Variants in CTNND2 observed in about 807,000 individuals in gnomAD.
The protein encoded by CTNND2 is catenin delta 2, also known as catenin delta-2.
In CTNND2, 22 loss-of-function variants were observed where a neutral mutation model predicts 144.4. That is an observed-to-expected ratio of 0.15 (90% confidence interval 0.11 to 0.22). The LOEUF (loss-of-function observed/expected upper bound fraction) is 0.22. Among genes scored for constraint, CTNND2 ranks in the 10% least tolerant of loss-of-function variants. The pLI, the probability that CTNND2 is intolerant of heterozygous loss-of-function variation, is 1.00. For missense variants in CTNND2, 1,353 were observed against 1,618.8 expected (o/e 0.84, Z 2.82); for synonymous variants, 751 against 695.6 (o/e 1.08, Z -1.25).
intron 3 of CTNND2, among the ~76,000 whole-genome samples, chr5:11,551,007 T>C (rs577206652): frequency 6.6e-6 from 1 of 152,226 alleles, no homozygotes; most frequent in African/African-American, 2.4e-5. Context: ...TTGGGTGAAA[T>C]TTTTCTGACC....
rs1760222584 is a variant in CTNND2, at chr5:11,397,170, A to T, written c.473T>A (p.Leu158His). Residue 158 changes from leucine to histidine, a missense_variant, in exon 6 of 22, where the codon CTC becomes CAC. Coordinates refer to ENST00000304623, the MANE Select transcript of CTNND2 (RefSeq NM_001332.4). ...PSLLSQSALQ[L>H]NSKPEGSFQY... ...GAAAGACCCTTCAGGTTTGGAATTGAGCTGAAGTGCACTCTGGGAGAGCAG... is the reference window on the plus strand; with the variant it reads ...GAAAGACCCTTCAGGTTTGGAATTGTGCTGAAGTGCACTCTGGGAGAGCAG... 1 of 1,614,184 alleles carries T rather than the reference A, an allele frequency of 6.2e-7. No homozygotes were observed. Among genetic ancestry groups the T allele is most frequent in the South Asian group, 1.1e-5 (1 of 91,090 alleles).
intron 1 of CTNND2, among the ~76,000 whole-genome samples, chr5:11,884,596 C>T (rs1292798215): frequency 1.3e-5 from 2 of 152,104 alleles, no homozygotes; most frequent in Non-Finnish European, 2.9e-5. Flanking sequence ...AAGATCATGT[C>T]ATCTGCCAAC....
At chr5:11,270,356 T>C (rs535235202) in intron 9 of CTNND2, among the ~76,000 whole-genome samples, 2 of 152,158 alleles carry the variant, frequency 1.3e-5, no homozygotes, top group South Asian at 4.1e-4. Flanking sequence ...GTAATTAATA[T>C]ACATTGGCTA....
At chr5:11,634,614 T>C (rs952915323) in intron 2 of CTNND2, among the ~76,000 whole-genome samples, 1 of 152,174 alleles carries the variant, frequency 6.6e-6, no homozygotes, top group Non-Finnish European at 1.5e-5. Context: ...TCAGGAAAGT[T>C]GAATATTTTA....
At chr5:11,212,878 C>T (rs1738785269) in intron 10 of CTNND2, among the ~76,000 whole-genome samples, 1 of 152,130 alleles carries the variant, frequency 6.6e-6, no homozygotes, top group Non-Finnish European at 1.5e-5. Flanking sequence ...GCACTGAAAA[C>T]CACATAAATG....
At chr5:11,716,977 C>G (rs1786387773) in intron 2 of CTNND2, among the ~76,000 whole-genome samples, 1 of 152,030 alleles carries the variant, frequency 6.6e-6, no homozygotes, top group African/African-American at 2.4e-5. Flanking sequence ...AAGGGATTCT[C>G]CTGCCTCAGC....
intron 11 of CTNND2, among the ~76,000 whole-genome samples, chr5:11,174,230 T>C (rs985153566): frequency 3.3e-5 from 5 of 152,068 alleles, no homozygotes; most frequent in Admixed American, 6.6e-5. Flanking sequence ...GCTGGGTGCA[T>C]GAGTTGAGTG....
chr5:11,288,067 T>C (rs1747932959), intron 9 of CTNND2, among the ~76,000 whole-genome samples: 1 of 152,216 alleles, frequency 6.6e-6, no homozygotes, highest in Admixed American at 6.5e-5. Context: ...GTATGACACT[T>C]ATATAATTCA....
intron 2 of CTNND2, among the ~76,000 whole-genome samples, chr5:11,695,525 G>T (rs1785102408): frequency 6.6e-6 from 1 of 152,118 alleles, no homozygotes; most frequent in Admixed American, 6.5e-5. Context: ...TAAATAACAA[G>T]GTATTCAGAG....
chr5:11,266,673 C>T (rs556959549), intron 9 of CTNND2, among the ~76,000 whole-genome samples: 1 of 152,256 alleles, frequency 6.6e-6, no homozygotes, highest in Non-Finnish European at 1.5e-5. Flanking sequence ...AGTTAATGCA[C>T]ATTTATCTAC....
chr5:11,218,215 G>A (rs1739410294), intron 10 of CTNND2, among the ~76,000 whole-genome samples: 1 of 152,068 alleles, frequency 6.6e-6, no homozygotes, highest in South Asian at 2.1e-4. Flanking sequence ...TTTCAGGGTA[G>A]CATCAGGGAA....
intron 3 of CTNND2, among the ~76,000 whole-genome samples, chr5:11,487,030 T>G (rs1020091644): frequency 1.3e-5 from 2 of 152,192 alleles, no homozygotes; most frequent in African/African-American, 4.8e-5. Flanking sequence ...ATGTTTTACC[T>G]GGTTCACTGA....
chr5:11,884,856 G>GT (rs1047444234), intron 1 of CTNND2, among the ~76,000 whole-genome samples: 4 of 152,098 alleles, frequency 2.6e-5, no homozygotes, highest in Non-Finnish European at 4.4e-5. Context: ...TTTGTTGAAA[G>GT]TTTTTTATCA....
intron 2 of CTNND2, among the ~76,000 whole-genome samples, chr5:11,669,847 G>A (rs1373916152): frequency 6.6e-6 from 1 of 152,104 alleles, no homozygotes; most frequent in Non-Finnish European, 1.5e-5. Flanking sequence ...ATGTTAGGGA[G>A]TTGATTTTAG....
chr5:11,865,779 G>T (rs1795731673), intron 1 of CTNND2, among the ~76,000 whole-genome samples: 1 of 151,410 alleles, frequency 6.6e-6, no homozygotes, highest in Non-Finnish European at 1.5e-5. Flanking sequence ...GTGGACAAAG[G>T]AAGAAGAGGA....
intron 3 of CTNND2, among the ~76,000 whole-genome samples, chr5:11,549,003 G>A (rs897234994): frequency 1.3e-5 from 2 of 152,122 alleles, no homozygotes; most frequent in African/African-American, 2.4e-5. Context: ...ACCCCAAAAG[G>A]TAGTTTAACT....
chr5:11,337,988 A>G (rs1753891379), intron 9 of CTNND2, among the ~76,000 whole-genome samples: 1 of 152,228 alleles, frequency 6.6e-6, no homozygotes, highest in Non-Finnish European at 1.5e-5. Context: ...AAGGTTAAAA[A>G]AGAAAGTTCT....
chr5:11,096,765 AAGAG>A (rs959545982), intron 15 of CTNND2, among the ~76,000 whole-genome samples: 12 of 151,836 alleles, frequency 7.9e-5, no homozygotes, highest in African/African-American at 2.9e-4. Context: ...AGAGAGAAAG[AAGAG>A]AGAGACAGAG....
At chr5:11,695,138 A>T (rs1785085356) in intron 2 of CTNND2, among the ~76,000 whole-genome samples, 1 of 152,224 alleles carries the variant, frequency 6.6e-6, no homozygotes, top group Admixed American at 6.5e-5. Context: ...GGAGCCTATA[A>T]TAATAAAAAG....
Sources: gnomAD v4.1 joint callset for allele counts (sites outside exome capture counted in the v4.1 genomes callset) on GRCh38, gnomAD v4.1.1 for gene constraint, MANE v1.5 for transcripts, NCBI Gene and HGNC (gene_info 2026-07-23, HGNC 2026-07-21) for gene names.